Variants in APBB2 observed in about 807,000 individuals in gnomAD.
APBB2 encodes Fe65-like 1.
Under a neutral mutation model 82.5 loss-of-function variants are expected in APBB2, and 38 were observed. That is an observed-to-expected ratio of 0.46 (90% CI 0.36 to 0.60). The LOEUF is 0.60. Ranked by LOEUF, APBB2 falls within the 20% of genes least tolerant of loss-of-function variation. APBB2 has a pLI of 0.00. For missense variants in APBB2, 772 were observed against 972.3 expected, an observed-to-expected ratio of 0.79 and a Z score of 2.74; for synonymous variants, 341 against 368.2, an observed-to-expected ratio of 0.93 and a Z score of 0.85.
chr4:40,931,987 A>G (rs1443073190), intron 10 of APBB2, among the ~76,000 whole-genome samples: 1 of 152,220 alleles, frequency 6.6e-6, no homozygotes, highest in Non-Finnish European at 1.5e-5. Flanking sequence ...AGGCATTGAA[A>G]TAGACATGCT....
intron 6 of APBB2, among the ~76,000 whole-genome samples, chr4:40,959,323 T>C (rs1189940733): frequency 6.6e-6 from 1 of 152,106 alleles, no homozygotes; most frequent in Non-Finnish European, 1.5e-5. Flanking sequence ...ATAGAATTAC[T>C]AGTGGCATCA....
intron 4 of APBB2, among the ~76,000 whole-genome samples, chr4:41,037,595 T>C (rs1015046646): frequency 2.0e-5 from 3 of 152,214 alleles, no homozygotes; most frequent in African/African-American, 7.2e-5. Flanking sequence ...ATCCCTGGTC[T>C]CCACCCGAAA....
intron 10 of APBB2, among the ~76,000 whole-genome samples, chr4:40,933,643 G>T (rs114198362): frequency 6.6e-6 from 1 of 152,306 alleles, no homozygotes; most frequent in African/African-American, 2.4e-5. Context: ...GAGGGCAGTA[G>T]AAGTCTCTAC....
intron 2 of APBB2, among the ~76,000 whole-genome samples, chr4:41,121,744 C>T (rs1371160872): frequency 1.3e-5 from 2 of 152,214 alleles, no homozygotes; most frequent in Admixed American, 6.5e-5. Flanking sequence ...CCCCTGGAAA[C>T]TGCTTCCTCC....
chr4:41,194,308 C>T, intron 1 of APBB2, among the ~76,000 whole-genome samples: 1 of 152,044 alleles, frequency 6.6e-6, no homozygotes, highest in African/African-American at 2.4e-5. Flanking sequence ...GGCAACAGAG[C>T]GAAACTCTCT....
chr4:40,938,243 A>T (rs1480595286), intron 7 of APBB2, among the ~76,000 whole-genome samples: 1 of 152,202 alleles, frequency 6.6e-6, no homozygotes, highest in East Asian at 1.9e-4. Flanking sequence ...GACCTTGTCC[A>T]GGCTGCAACC....
intron 2 of APBB2, among the ~76,000 whole-genome samples, chr4:41,134,653 C>T (rs1192372394): frequency 6.6e-6 from 1 of 152,106 alleles, no homozygotes; most frequent in African/African-American, 2.4e-5. Context: ...TCCTGAGCTT[C>T]TCTAAAACTG....
At chr4:41,182,345 C>T (rs62410018) in intron 1 of APBB2, among the ~76,000 whole-genome samples, 5,304 of 152,272 alleles carry the variant, frequency 0.035, 173 homozygotes, top group African/African-American at 0.085. Context: ...ACTCTAATTG[C>T]GAACATTCAG....
At chr4:41,022,971 A>G (rs1258294912) in intron 5 of APBB2, among the ~76,000 whole-genome samples, 1 of 152,200 alleles carries the variant, frequency 6.6e-6, no homozygotes, top group South Asian at 2.1e-4. Flanking sequence ...CTGTTACCCC[A>G]TGTAGCATCT....
intron 1 of APBB2, among the ~76,000 whole-genome samples, chr4:41,167,446 G>A (rs931255353): frequency 9.9e-5 from 15 of 152,182 alleles, no homozygotes; most frequent in African/African-American, 3.1e-4. Flanking sequence ...TGATTAGCAC[G>A]TGAAAGACAC....
At chr4:40,842,269 A>ATGGT in intron 12 of APBB2, 1 of 397,474 alleles carries the variant, frequency 2.5e-6, no homozygotes. Flanking sequence ...AAAGACAAGG[A>ATGGT]TGGTTGTGAG....
chr4:40,904,009 T>C (rs1776028251), intron 10 of APBB2, among the ~76,000 whole-genome samples: 1 of 152,216 alleles, frequency 6.6e-6, no homozygotes. Flanking sequence ...GCGCATGTTT[T>C]GTGATATTTC....
At chr4:41,052,238 TAC>T (rs1258429934) in intron 4 of APBB2, among the ~76,000 whole-genome samples, 27 of 147,634 alleles carry the variant, frequency 1.8e-4, no homozygotes, top group African/African-American at 6.4e-4. Context: ...CATACATACA[TAC>T]ATACCAAAAC....
At chr4:40,850,286 CTATTAT>C (rs968328029) in intron 12 of APBB2, among the ~76,000 whole-genome samples, 10 of 152,150 alleles carry the variant, frequency 6.6e-5, no homozygotes, top group African/African-American at 2.2e-4. Context: ...TTGTAACACC[CTATTAT>C]TATTATTTGA....
chr4:41,066,382 A>T (rs1731820130), intron 3 of APBB2, among the ~76,000 whole-genome samples: 1 of 152,230 alleles, frequency 6.6e-6, no homozygotes, highest in East Asian at 1.9e-4. Flanking sequence ...AAACATATGC[A>T]GAACACCTAC....
At chr4:40,857,190 C>T (rs2154331695) in intron 12 of APBB2, 1 of 985,402 alleles carries the variant, frequency 1.0e-6, no homozygotes, top group African/African-American at 1.7e-5. Flanking sequence ...CTGCGCCCTC[C>T]CTGCCCCGCC....
intron 5 of APBB2, among the ~76,000 whole-genome samples, chr4:41,024,129 T>A (rs1382493691): frequency 6.6e-6 from 1 of 152,186 alleles, no homozygotes; most frequent in African/African-American, 2.4e-5. Context: ...CGGCTAGCCA[T>A]ATGCAAAAGA....
At position 40,825,891 on chromosome 4, in the gene APBB2, T is replaced by C; in HGVS notation, c.1812A>G (p.Pro604=). 6.2e-7 allele frequency: 1 copy of C among 1,613,566 alleles called. No homozygotes were observed. The highest frequency in any genetic ancestry group is 1.3e-5 in the African/African-American group (1 of 75,054). The change falls in exon 15 of 18, where the codon CCA becomes CCG. Residue 604 remains proline, a synonymous_variant. Transcript: ENST00000508593. ...QYLGMLPVDK[P]VGMDILNSAI... ...GACAATAAACATTTCACATACCGAC[T>C]GGTTTGTCTACAGGTAACATGCCCA...
At chr4:40,927,067 A>C (rs918701769) in intron 10 of APBB2, among the ~76,000 whole-genome samples, 1 of 152,200 alleles carries the variant, frequency 6.6e-6, no homozygotes, top group Non-Finnish European at 1.5e-5. Context: ...CAGGGCTACT[A>C]CATTTCATTT....
Sources: gnomAD v4.1 joint callset for allele counts (sites outside exome capture counted in the v4.1 genomes callset) on GRCh38, gnomAD v4.1.1 for gene constraint, MANE v1.5 for transcripts, NCBI Gene and HGNC (gene_info 2026-07-23, HGNC 2026-07-21) for gene names.